The following FOXJ3 variants were observed in gnomAD, a reference collection of about 807,000 sequenced individuals.
The protein encoded by FOXJ3 is forkhead box protein J3.
Under a neutral mutation model 76.1 loss-of-function variants are expected in FOXJ3, and 22 were observed. That is an observed-to-expected ratio of 0.29 (90% CI 0.21 to 0.41). The LOEUF is 0.41. Ranked by LOEUF, FOXJ3 falls within the 10% of genes least tolerant of loss-of-function variation. FOXJ3 has a pLI of 1.00. For synonymous variants in FOXJ3, 269 were observed against 261.2 expected (o/e 1.03, Z -0.29); for missense variants, 613 against 762.1 (o/e 0.80, Z 2.30).
intron 4 of FOXJ3, among the ~76,000 whole-genome samples, chr1:42,262,281 A>G (rs1651104175): frequency 6.6e-6 from 1 of 152,198 alleles, no homozygotes; most frequent in Non-Finnish European, 1.5e-5. Context: ...TCTGTGACTG[A>G]CAAGTATGTC....
intron 3 of FOXJ3, among the ~76,000 whole-genome samples, chr1:42,269,587 A>C (rs1263313822): frequency 6.6e-6 from 1 of 152,176 alleles, no homozygotes; most frequent in African/African-American, 2.4e-5. Context: ...TGTATTTCCA[A>C]CTATCAACTG....
At chr1:42,238,307 TATGGC>T (rs1359577858) in intron 4 of FOXJ3, among the ~76,000 whole-genome samples, 1 of 151,674 alleles carries the variant, frequency 6.6e-6, no homozygotes, top group East Asian at 1.9e-4. Context: ...GTGCTGTGAT[TATGGC>T]ATGGCCACCA....
At chr1:42,334,921 C>G (rs1420798230) in intron 1 of FOXJ3, 138 bp downstream of exon 1, 1 of 152,390 alleles carries the variant, frequency 6.6e-6, no homozygotes, top group South Asian at 2.1e-4. Flanking sequence ...CACCCGCCGC[C>G]CACCCCGCAA....
At chr1:42,285,620 C>G (rs1273129286) in intron 2 of FOXJ3, among the ~76,000 whole-genome samples, 1 of 152,136 alleles carries the variant, frequency 6.6e-6, no homozygotes, top group African/African-American at 2.4e-5. Context: ...GAAACGGCAT[C>G]TTTATCAATA....
At chr1:42,274,849 A>G (rs535679107) in intron 3 of FOXJ3, among the ~76,000 whole-genome samples, 16 of 152,064 alleles carry the variant, frequency 1.1e-4, no homozygotes, top group Non-Finnish European at 1.9e-4. Flanking sequence ...ACATGAGCTG[A>G]AATAATAGGG....
intron 7 of FOXJ3, among the ~76,000 whole-genome samples, chr1:42,197,856 T>A (rs1044987688): frequency 6.6e-6 from 1 of 152,262 alleles, no homozygotes; most frequent in East Asian, 1.9e-4. Flanking sequence ...CAGGCTGATA[T>A]CAAACTCCTG....
intron 2 of FOXJ3, among the ~76,000 whole-genome samples, chr1:42,309,802 C>A (rs916059235): frequency 6.6e-6 from 1 of 152,186 alleles, no homozygotes; most frequent in Admixed American, 6.5e-5. Flanking sequence ...CTGGGAACCA[C>A]GACAATCCCT....
At chr1:42,322,808 C>T (rs1188583791) in intron 1 of FOXJ3, among the ~76,000 whole-genome samples, 1 of 152,046 alleles carries the variant, frequency 6.6e-6, no homozygotes, top group African/African-American at 2.4e-5. Context: ...AGTGACTCAG[C>T]TGCTAAAAAG....
intron 2 of FOXJ3, among the ~76,000 whole-genome samples, chr1:42,298,155 G>A (rs892753708): frequency 6.6e-5 from 10 of 152,096 alleles, no homozygotes; most frequent in Admixed American, 1.3e-4. Flanking sequence ...CCTTCCTGCC[G>A]CCATGTGAAG....
At chr1:42,189,432 C>A in intron 9 of FOXJ3, 28 bp from the exon 10 acceptor site, 1 of 1,494,942 alleles carries the variant, frequency 6.7e-7, no homozygotes, top group Non-Finnish European at 9.3e-7. Flanking sequence ...CAGTGTAATT[C>A]CTGGATGGTG....
At chr1:42,255,550 C>T (rs1557678305) in intron 4 of FOXJ3, among the ~76,000 whole-genome samples, 2 of 152,056 alleles carry the variant, frequency 1.3e-5, no homozygotes, top group Non-Finnish European at 2.9e-5. Context: ...GATCATCAGA[C>T]AATTTTAAAA....
Position 42,176,810 on chromosome 1 carries a change from T to C in FOXJ3, c.*2900A>G, listed in dbSNP as rs1165387813. 6.6e-6 allele frequency: 1 copy of C among 152,632 alleles called. No homozygotes were observed. The highest frequency in any genetic ancestry group is 1.5e-5 in the Non-Finnish European group (1 of 68,036). The allele number at this position is 152,632 out of a possible 1,614,324, so 9.5% of individuals were successfully genotyped here. A position where few individuals can be genotyped will look rare whatever the true frequency, so the allele number is the denominator to read the frequency against. On this transcript the variant is annotated 3_prime_UTR_variant, in exon 13 of 13. Coordinates refer to ENST00000361346, the MANE Select transcript of FOXJ3 (RefSeq NM_014947.5). Reference sequence around the variant, plus strand: ...GCATTTTCATCACATATATACAATATAGATATGTACACATCACCCTCTGAA... The same window carrying C: ...GCATTTTCATCACATATATACAATACAGATATGTACACATCACCCTCTGAA...
intron 3 of FOXJ3, among the ~76,000 whole-genome samples, chr1:42,270,312 T>C (rs1040418375): frequency 2.0e-5 from 3 of 152,188 alleles, no homozygotes; most frequent in South Asian, 2.1e-4. Flanking sequence ...ACCTTTGCAA[T>C]TGTTTGTTTA....
At chr1:42,280,157 A>G (rs540506623) in intron 2 of FOXJ3, 5 of 237,178 alleles carry the variant, frequency 2.1e-5, no homozygotes, top group African/African-American at 9.3e-5. Context: ...CATGCACAAA[A>G]AAATATTCAG....
chr1:42,228,534 T>A (rs939293672), intron 4 of FOXJ3, among the ~76,000 whole-genome samples: 1 of 147,422 alleles, frequency 6.8e-6, no homozygotes, highest in Non-Finnish European at 1.5e-5. Flanking sequence ...GAGCACCTAC[T>A]GTGTTCCAGG....
chr1:42,313,776 T>C (rs1654946512), intron 1 of FOXJ3, among the ~76,000 whole-genome samples: 1 of 152,174 alleles, frequency 6.6e-6, no homozygotes, highest in Non-Finnish European at 1.5e-5. Context: ...GGGTCATGGT[T>C]TCGTACACAG....
intron 5 of FOXJ3, among the ~76,000 whole-genome samples, chr1:42,213,471 TA>T (rs76717485): frequency 0.014 from 1,859 of 132,110 alleles, 21 homozygotes; most frequent in African/African-American, 0.036. Flanking sequence ...CAACAACAGT[TA>T]AAAAAAAAAA....
At chr1:42,226,091 G>T (rs576739680) in intron 5 of FOXJ3, among the ~76,000 whole-genome samples, 43 of 152,218 alleles carry the variant, frequency 2.8e-4, no homozygotes, top group Admixed American at 2.1e-3. Flanking sequence ...TTTAAAATGT[G>T]AATTTTTCTC....
intron 1 of FOXJ3, among the ~76,000 whole-genome samples, chr1:42,329,062 GAAT>G (rs1202815686): frequency 5.3e-5 from 8 of 152,126 alleles, no homozygotes; most frequent in African/African-American, 1.9e-4. Context: ...TGATCCCACA[GAAT>G]AATAGCCACT....
Sources: allele counts gnomAD v4.1 joint callset (sites outside exome capture counted in the v4.1 genomes callset), GRCh38; gene constraint gnomAD v4.1.1; transcripts MANE v1.5; gene names NCBI Gene and HGNC (gene_info 2026-07-23, HGNC 2026-07-21).